The following CLIP4 variants were observed in gnomAD, a reference collection of about 807,000 sequenced individuals.
The protein encoded by CLIP4 is CAP-Gly domain-containing linker protein 4.
A neutral mutation model predicts 73.1 loss-of-function variants in CLIP4; 47 were observed. The observed-to-expected ratio is 0.64, with a 90% CI of 0.51 to 0.82. CLIP4 has a LOEUF of 0.82. Among genes scored for constraint, CLIP4 ranks in the 40% least tolerant of loss-of-function variants. The pLI, the probability that CLIP4 is intolerant of heterozygous loss-of-function variation, is 0.00. For missense variants in CLIP4, 874 were observed against 852.9 expected, an observed-to-expected ratio of 1.02 and a Z score of -0.31; for synonymous variants, 306 against 295.4, an observed-to-expected ratio of 1.04 and a Z score of -0.37.
intron 8 of CLIP4, among the ~76,000 whole-genome samples, chr2:29,147,292 G>C (rs1666235728): frequency 6.6e-6 from 1 of 151,942 alleles, no homozygotes. Context: ...TATTTTCCCA[G>C]TAAAAATTGG....
intron 2 of CLIP4, among the ~76,000 whole-genome samples, chr2:29,129,658 G>C (rs763782828): frequency 1.3e-5 from 2 of 152,016 alleles, no homozygotes; most frequent in African/African-American, 2.4e-5. Context: ...GTGCTGTAGG[G>C]ATGCTTTTAG....
At chr2:29,143,077 G>GATT (rs1665884538) in intron 6 of CLIP4, among the ~76,000 whole-genome samples, 1 of 152,194 alleles carries the variant, frequency 6.6e-6, no homozygotes, top group African/African-American at 2.4e-5. Flanking sequence ...CCCCATGAAT[G>GATT]GGCAGGGGGC....
At position 29,118,538 on chromosome 2, in the gene CLIP4, G is replaced by A. The variant is rs527551405; in HGVS notation, c.-15-2836G>A. ...GCCAATTTTTTTTTTTTTTTTTTGAGATGGAGTTTCGCTCTTCTTGCCCAG... is the reference window on the plus strand; with the variant it reads ...GCCAATTTTTTTTTTTTTTTTTTGAAATGGAGTTTCGCTCTTCTTGCCCAG... On this transcript the variant is annotated intron_variant, in intron 1 of 15. Coordinates refer to ENST00000320081, the MANE Select transcript of CLIP4 (RefSeq NM_024692.6). Among the ~76,000 whole-genome samples, 161 of 145,720 alleles carry A rather than the reference G, an allele frequency of 1.1e-3. No individual in the cohort carries two copies. In the Middle Eastern group the frequency reaches 0.024, roughly 22 times the overall value.
chr2:29,149,171 C>T lies in CLIP4; in HGVS notation c.1022-3514C>T, dbSNP rs114734718. On this transcript the variant is annotated intron_variant, in intron 8 of 15. Transcript: ENST00000320081. ...GTGTGTAAGCAGATGGACGTGGCTA[C>T]GGTTCAATAAAAATTGACCAATAAA... Among the ~76,000 whole-genome samples the T allele has an allele frequency of 9.7e-3, 1,478 of 152,220 alleles. 21 individuals are homozygous for T. The highest frequency in any genetic ancestry group is 0.034 in the African/African-American group (1,417 of 41,518).
At chr2:29,179,634 GTA>G (rs1203514230) in intron 15 of CLIP4, among the ~76,000 whole-genome samples, 1 of 152,260 alleles carries the variant, frequency 6.6e-6, no homozygotes, top group African/African-American at 2.4e-5. Context: ...GAAGTGTTAG[GTA>G]CCTAGTAAGT....
chr2:29,156,449 A>G lies in CLIP4; in HGVS notation c.1255+6A>G, dbSNP rs368124698. 5 of 1,544,730 alleles carry G rather than the reference A, an allele frequency of 3.2e-6. No homozygotes were observed. The African/African-American group carries it at 4.2e-5, about 13-fold the overall frequency. On this transcript the variant is annotated splice_donor_region_variant and intron_variant, in intron 10 of 15. Transcript: ENST00000320081. ...AACTGTGACAGAGAAAGATGGTAAT[A>G]TACCTTGTAACCTCTGTTTCTCAAA...
rs183968953 is a variant in CLIP4 at position 29,145,838 on chromosome 2, T to C, written c.1021+471T>C. Among the ~76,000 whole-genome samples the C allele has an allele frequency of 1.8e-3, 267 of 152,310 alleles. 5 individuals are homozygous for C. The highest frequency in any genetic ancestry group is 0.017 in the Admixed American group (253 of 15,298). On this transcript the variant is annotated intron_variant, in intron 8 of 15. Coordinates refer to ENST00000320081, the MANE Select transcript of CLIP4 (RefSeq NM_024692.6). ...CTGGGATTACAGGCATTTGCCACCA[T>C]GGCTGGATAATTGTTGTATTTTCAG...
chr2:29,145,632 G>A (rs1666106248), intron 8 of CLIP4, among the ~76,000 whole-genome samples: 1 of 152,106 alleles, frequency 6.6e-6, no homozygotes, highest in African/African-American at 2.4e-5. Flanking sequence ...AAAGGGAAAA[G>A]GATTTCAGTA....
chr2:29,130,899 C>T (rs1664926448), intron 2 of CLIP4: 1 of 1,290,474 alleles, frequency 7.7e-7, no homozygotes, highest in Non-Finnish European at 1.0e-6. Flanking sequence ...TGAGTTACCT[C>T]AGCAAGTAGA....
At position 29,164,095 on chromosome 2, in the gene CLIP4, A is replaced by G. The variant is rs1200404004; in HGVS notation, c.1658+141A>G. On this transcript the variant is annotated intron_variant, in intron 13 of 15. Coordinates refer to ENST00000320081, the MANE Select transcript of CLIP4 (RefSeq NM_024692.6). ...AAGGGGTTAACCAACCACCTTCTTC[A>G]GAGAGAAGGCTCATGGAAAGCTAAA... The G allele has an allele frequency of 4.1e-6, 3 of 734,436 alleles. No homozygotes were observed. The African/African-American group carries it at 5.3e-5, about 13-fold the overall frequency. The allele number at this position is 734,436 out of a possible 1,614,324, so 45.5% of individuals were successfully genotyped here. A position where few individuals can be genotyped will look rare whatever the true frequency, so the allele number is the denominator to read the frequency against.
intron 1 of CLIP4, among the ~76,000 whole-genome samples, chr2:29,106,534 C>T (rs1480325761): frequency 1.3e-5 from 2 of 152,134 alleles, no homozygotes; most frequent in African/African-American, 4.8e-5. Flanking sequence ...TTCTTTATCT[C>T]ACTTTATAGA....
At chr2:29,154,151 TGGTA>T (rs1666764997) in intron 9 of CLIP4, among the ~76,000 whole-genome samples, 1 of 152,210 alleles carries the variant, frequency 6.6e-6, no homozygotes, top group African/African-American at 2.4e-5. Context: ...TTAGGTCTAT[TGGTA>T]GGTACTCCAT....
chr2:29,176,080 TATTA>T (rs1558587807), intron 15 of CLIP4, among the ~76,000 whole-genome samples: 1 of 152,206 alleles, frequency 6.6e-6, no homozygotes, highest in Non-Finnish European at 1.5e-5. Context: ...CTTTTTAAAT[TATTA>T]ATTTATCTGT....
chr2:29,152,974 C>A, intron 9 of CLIP4, 146 bp downstream of exon 9: 1 of 891,080 alleles, frequency 1.1e-6, no homozygotes, highest in Non-Finnish European at 1.7e-6. Context: ...TGTTTTTAAA[C>A]CTCAATTTTA....
chr2:29,134,200 C>G (rs1214797120), intron 5 of CLIP4, among the ~76,000 whole-genome samples: 1 of 151,948 alleles, frequency 6.6e-6, no homozygotes, highest in Non-Finnish European at 1.5e-5. Flanking sequence ...TTTTAGATGG[C>G]ATTTGGTTCT....
rs747044520 is a variant in CLIP4, at chr2:29,145,366, T to A, written c.1020T>A (p.Tyr340Ter). The A allele has an allele frequency of 6.2e-7, 1 of 1,603,548 alleles. No homozygotes were observed. Among genetic ancestry groups the A allele is most frequent in the Non-Finnish European group, 8.5e-7 (1 of 1,172,410 alleles). The change falls in exon 8 of 16, where the codon TAT (tyrosine) becomes TAA (stop). Residue 340 changes from tyrosine (Y) to a stop codon, truncating the protein, a stop_gained and splice_region_variant. Transcript: ENST00000320081. LOFTEE classifies it high-confidence loss of function. ...AGTACTTTAAATGTGCCCCCAAGTATGGTAAGGTTGATATTATTTAACTCG... is the reference window on the plus strand; with the variant it reads ...AGTACTTTAAATGTGCCCCCAAGTAAGGTAAGGTTGATATTATTTAACTCG... ...KVQYFKCAPKYGIFAPLSKIS... is the reference protein window; with the variant it reads ...KVQYFKCAPK
At chr2:29,133,988 A>G (rs1182062391) in intron 5 of CLIP4, among the ~76,000 whole-genome samples, 172 bp downstream of exon 5, 3 of 152,188 alleles carry the variant, frequency 2.0e-5, no homozygotes, top group Non-Finnish European at 4.4e-5. Flanking sequence ...ATTAATTACT[A>G]TCTTTTCTAC....
chr2:29,173,085 G>A (rs1668114578), intron 14 of CLIP4, among the ~76,000 whole-genome samples: 1 of 152,092 alleles, frequency 6.6e-6, no homozygotes, highest in African/African-American at 2.4e-5. Flanking sequence ...CTTGTGAGAT[G>A]CTTGTTTTGC....
intron 8 of CLIP4, among the ~76,000 whole-genome samples, chr2:29,149,844 A>T (rs1298841308): frequency 1.3e-5 from 2 of 152,166 alleles, no homozygotes; most frequent in East Asian, 3.8e-4. Context: ...ACTTTAGCTT[A>T]CAGAGATTTC....
Sources: gnomAD v4.1 joint callset for allele counts (sites outside exome capture counted in the v4.1 genomes callset) on GRCh38, gnomAD v4.1.1 for gene constraint, MANE v1.5 for transcripts, NCBI Gene and HGNC (gene_info 2026-07-23, HGNC 2026-07-21) for gene names.